Variants in DCK observed in about 807,000 individuals in gnomAD.
DCK encodes deoxyadenosine kinase.
In DCK, 23 loss-of-function variants were observed where a neutral mutation model predicts 38.3. That is an observed-to-expected ratio of 0.60 (90% confidence interval 0.43 to 0.85). DCK has a LOEUF of 0.85. Ranked by LOEUF, DCK falls within the 40% of genes least tolerant of loss-of-function variation. The pLI, the probability that DCK is intolerant of heterozygous loss-of-function variation, is 0.00. For synonymous variants in DCK, 108 were observed against 100.6 expected (o/e 1.07, Z -0.44); for missense variants, 259 against 304.4 (o/e 0.85, Z 1.11).
At position 70,993,819 on chromosome 4, in the gene DCK, C is replaced by T. The variant is rs1013636917; in HGVS notation, c.-17C>T. ...CCTCTTTGCCGGACGAGCTCTGGGC[C>T]GCCACAAGACTAAGGAATGGCCACC... On this transcript the variant is annotated 5_prime_UTR_variant, in exon 1 of 7. Transcript: ENST00000286648. 5 of 1,597,668 alleles carry T rather than the reference C, an allele frequency of 3.1e-6. No individual in the cohort carries two copies. The highest frequency in any genetic ancestry group is 2.6e-6 in the Non-Finnish European group (3 of 1,166,556).
At chr4:71,017,421 A>G (rs901373231) in intron 2 of DCK, among the ~76,000 whole-genome samples, 3 of 152,176 alleles carry the variant, frequency 2.0e-5, no homozygotes, top group Non-Finnish European at 4.4e-5. Flanking sequence ...CAGCCATCCC[A>G]TTAGTGGGTA....
At chr4:71,012,745 C>A (rs1740135088) in intron 2 of DCK, among the ~76,000 whole-genome samples, 1 of 151,928 alleles carries the variant, frequency 6.6e-6, no homozygotes, top group Non-Finnish European at 1.5e-5. Flanking sequence ...GAAAGGACAT[C>A]CACACCAAAA....
intron 6 of DCK, chr4:71,028,779 C>T (rs1458282358): frequency 2.2e-4 from 65 of 300,214 alleles, no homozygotes; most frequent in East Asian, 3.9e-4. Context: ...TTTTTTGAGA[C>T]GGAGTTTTGC....
chr4:71,029,360 G>T lies in DCK; in HGVS notation c.765G>T (p.Glu255Asp). 1 of 1,604,710 alleles carries T rather than the reference G, an allele frequency of 6.2e-7. No homozygotes were observed. The highest frequency in any genetic ancestry group is 8.5e-7 in the Non-Finnish European group (1 of 1,174,944). The change falls in exon 7 of 7, where the codon GAG becomes GAT. Residue 255 changes from glutamate to aspartate, a missense_variant. Glu to Asp is a conservative substitution (Grantham distance 45). Around this residue, in one of 3 missense-constraint regions of DCK, gnomAD observed 82 missense variants for 103.8 expected, o/e 0.79. Transcript: ENST00000286648. ...TTTCTTCCTTTCCTCAGGTCAAAGA[G>T]TTTTTGAGTACTTTGTGATCTTGCT... ...KYESLVEKVKEFLSTL is the reference protein window; with the variant it reads ...KYESLVEKVKDFLSTL
At chr4:71,016,971 G>T (rs916881000) in intron 2 of DCK, among the ~76,000 whole-genome samples, 15 of 152,278 alleles carry the variant, frequency 9.9e-5, no homozygotes, top group African/African-American at 3.4e-4. Context: ...CACAGCAAAA[G>T]AAACTACCAT....
intron 2 of DCK, among the ~76,000 whole-genome samples, chr4:71,021,365 G>A (rs919413164): frequency 8.5e-5 from 13 of 152,192 alleles, no homozygotes; most frequent in African/African-American, 3.1e-4. Flanking sequence ...GTGAGCCACC[G>A]CGCCCGGCCT....
intron 1 of DCK, among the ~76,000 whole-genome samples, chr4:70,997,466 G>A (rs1223722455): frequency 6.6e-6 from 1 of 152,054 alleles, no homozygotes; most frequent in Non-Finnish European, 1.5e-5. Context: ...CTGTCTACCT[G>A]TGTCACCTTC....
intron 2 of DCK, among the ~76,000 whole-genome samples, chr4:71,000,087 A>G (rs1013275712): frequency 6.6e-6 from 1 of 152,056 alleles, no homozygotes; most frequent in Admixed American, 6.5e-5. Context: ...TTAGTCATGA[A>G]GTCTTTGCTC....
At chr4:71,002,421 G>T (rs1212232145) in intron 2 of DCK, among the ~76,000 whole-genome samples, 2 of 152,188 alleles carry the variant, frequency 1.3e-5, no homozygotes, top group African/African-American at 2.4e-5. Flanking sequence ...CTGTGGTACT[G>T]AGAATAATGT....
intron 2 of DCK, among the ~76,000 whole-genome samples, chr4:71,011,528 T>G (rs1366125138): frequency 6.6e-6 from 1 of 152,158 alleles, no homozygotes; most frequent in Non-Finnish European, 1.5e-5. Flanking sequence ...GGCTAATTTT[T>G]GTATTTTTTA....
intron 2 of DCK, among the ~76,000 whole-genome samples, chr4:71,014,819 G>A (rs965177862): frequency 6.6e-6 from 1 of 152,182 alleles, no homozygotes; most frequent in Non-Finnish European, 1.5e-5. Context: ...GATAAAGCAG[G>A]AGAGATCTAA....
intron 2 of DCK, among the ~76,000 whole-genome samples, chr4:71,006,100 CAA>C (rs1341554941): frequency 1.5e-4 from 3 of 20,496 alleles, no homozygotes; most frequent in Non-Finnish European, 3.0e-4. Flanking sequence ...CACTCCATCT[CAA>C]AAAAAAAAAA....
At chr4:71,015,149 AAACACCTCTACG>A (rs925667722) in intron 2 of DCK, among the ~76,000 whole-genome samples, 20 of 938 alleles carry the variant, frequency 0.021, no homozygotes, top group Non-Finnish European at 0.037. Flanking sequence ...ACACCTCTAC[AAACACCTCTACG>A]CAAATAAACT....
chr4:71,015,239 G>A (rs1740228026), intron 2 of DCK, among the ~76,000 whole-genome samples: 1 of 152,296 alleles, frequency 6.6e-6, no homozygotes, highest in South Asian at 2.1e-4. Context: ...CCAGGAAGAA[G>A]TTGAATCCCT....
chr4:71,012,985 G>A (rs931239236), intron 2 of DCK, among the ~76,000 whole-genome samples: 3 of 152,114 alleles, frequency 2.0e-5, no homozygotes, highest in East Asian at 1.9e-4. Context: ...GAGGAAGTTC[G>A]AACCCATGGC....
At chr4:71,004,203 ACAGT>A (rs1161837386) in intron 2 of DCK, among the ~76,000 whole-genome samples, 5 of 152,044 alleles carry the variant, frequency 3.3e-5, no homozygotes, top group Non-Finnish European at 7.4e-5. Context: ...TTTCCTTCTA[ACAGT>A]CAGGCCCCTC....
chr4:71,012,656 G>T (rs1400694822), intron 2 of DCK, among the ~76,000 whole-genome samples: 1 of 151,758 alleles, frequency 6.6e-6, no homozygotes, highest in African/African-American at 2.4e-5. Flanking sequence ...AGGCAAACAG[G>T]GTCTGGAGTG....
chr4:70,998,007 A>G (rs992715097), intron 1 of DCK, 60 bp from the exon 2 acceptor site: 3 of 780,706 alleles, frequency 3.8e-6, no homozygotes, highest in Non-Finnish European at 6.3e-6. Context: ...GCTAATGACT[A>G]CTTGACATCT....
At chr4:71,016,713 G>C (rs1009566387) in intron 2 of DCK, among the ~76,000 whole-genome samples, 9 of 152,150 alleles carry the variant, frequency 5.9e-5, no homozygotes, top group African/African-American at 2.2e-4. Context: ...AACGGTGCTG[G>C]AAAAATGGCT....
Sources: gnomAD v4.1 joint callset for allele counts (sites outside exome capture counted in the v4.1 genomes callset) on GRCh38, gnomAD v4.1.1 for gene constraint, gnomAD v4.1.1 regional missense constraint, MANE v1.5 for transcripts, NCBI Gene and HGNC (gene_info 2026-07-23, HGNC 2026-07-21) for gene names.